COL22A1: variants seen among roughly 807,000 people sequenced by gnomAD.
COL22A1 encodes the protein collagen type XXII alpha 1 chain, also known as collagen alpha-1(XXII) chain.
In COL22A1, 221 loss-of-function variants were observed where a neutral mutation model predicts 248.9. The ratio of observed to expected loss-of-function variants is 0.89; its 90% CI spans 0.80 to 0.99. The LOEUF is 0.99. Among genes scored for constraint, COL22A1 ranks in the 50% least tolerant of loss-of-function variants. The pLI, the probability that COL22A1 is intolerant of heterozygous loss-of-function variation, is 0.00. For synonymous variants in COL22A1, 891 were observed against 793.4 expected, an observed-to-expected ratio of 1.12 and a Z score of -2.07; for missense variants, 2,240 against 2,179.0, an observed-to-expected ratio of 1.03 and a Z score of -0.56.
chr8:138,707,749 C>T (rs536989584), intron 30 of COL22A1, among the ~76,000 whole-genome samples: 1 of 152,322 alleles, frequency 6.6e-6, no homozygotes, highest in African/African-American at 2.4e-5. Flanking sequence ...CCTCTCTCAC[C>T]ACTCCTATTC....
In COL22A1 at chr8:138,645,219, T is replaced by A. The variant is rs114463065; in HGVS notation, c.3501+1410A>T. ...GAGACATGTGACGTACGAACAAACA[T>A]GTACAGCTACTGCACATGTACAGCC... On this transcript the variant is annotated intron_variant, in intron 47 of 64. Coordinates refer to ENST00000303045, the MANE Select transcript of COL22A1 (RefSeq NM_152888.3). Among the ~76,000 whole-genome samples the A allele has an allele frequency of 5.3e-3, 812 of 152,242 alleles. 9 individuals are homozygous for A. The highest frequency in any genetic ancestry group is 0.018 in the African/African-American group (737 of 41,552).
At chr8:138,604,896 T>C in intron 58 of COL22A1, 127 bp from the exon 59 acceptor site, 4 of 877,102 alleles carry the variant, frequency 4.6e-6, no homozygotes, top group Non-Finnish European at 7.4e-6. Context: ...ATGGTCTACC[T>C]GGCCAAGGAC....
At chr8:138,703,183 T>C in intron 31 of COL22A1, 123 bp downstream of exon 31, 2 of 835,280 alleles carry the variant, frequency 2.4e-6, no homozygotes, top group Non-Finnish European at 4.1e-6. Flanking sequence ...GGAATAGGCC[T>C]AGCTATTGGC....
chr8:138,780,883 C>T, intron 13 of COL22A1, 44 bp downstream of exon 13: 1 of 1,542,366 alleles, frequency 6.5e-7, no homozygotes, highest in Non-Finnish European at 9.0e-7. Flanking sequence ...AGATCACCAG[C>T]CTAGTACTGC....
chr8:138,775,803 C>T (rs1220833633), intron 16 of COL22A1, among the ~76,000 whole-genome samples, 163 bp downstream of exon 16: 1 of 152,212 alleles, frequency 6.6e-6, no homozygotes, highest in African/African-American at 2.4e-5. Context: ...TCGCCTGCCA[C>T]ATGCACACAT....
In COL22A1 at chr8:138,718,515, T is replaced by G. The variant is rs535204559; in HGVS notation, c.2356-1646A>C. Among the ~76,000 whole-genome samples the G allele has an allele frequency of 2.0e-5, 3 of 152,368 alleles. No individual in the cohort carries two copies. In the South Asian group the frequency reaches 6.2e-4, roughly 32 times the overall value. ...ACGGTATCTTCTTGAATTCTCGAAGTGAGCCTCAAAATGTCAATGCCTCTG... is the reference window on the plus strand; with the variant it reads ...ACGGTATCTTCTTGAATTCTCGAAGGGAGCCTCAAAATGTCAATGCCTCTG... On this transcript the variant is annotated intron_variant, in intron 27 of 64. Coordinates refer to ENST00000303045, the MANE Select transcript of COL22A1 (RefSeq NM_152888.3).
chr8:138,740,791 A>G (rs991715975), intron 22 of COL22A1, among the ~76,000 whole-genome samples: 3 of 152,202 alleles, frequency 2.0e-5, no homozygotes, highest in African/African-American at 4.8e-5. Flanking sequence ...TGGGTCATCC[A>G]TGAAGGGGCA....
At chr8:138,762,581 C>T (rs1468743530) in intron 16 of COL22A1, 115 bp from the exon 17 acceptor site, 43 of 724,820 alleles carry the variant, frequency 5.9e-5, no homozygotes, top group Admixed American at 9.5e-5. Flanking sequence ...AGGTGCCAAA[C>T]GCACGTGCAC....
intron 1 of COL22A1, among the ~76,000 whole-genome samples, chr8:138,903,021 A>G (rs1337480706): frequency 1.3e-5 from 2 of 152,196 alleles, no homozygotes; most frequent in African/African-American, 4.8e-5. Context: ...TAACACGTGA[A>G]TAAGAAAAAT....
intron 23 of COL22A1, among the ~76,000 whole-genome samples, chr8:138,732,313 C>T (rs538153223): frequency 1.3e-5 from 2 of 152,274 alleles, no homozygotes; most frequent in Admixed American, 6.5e-5. Flanking sequence ...ACAGGTGCTG[C>T]GGGCAAGTCA....
rs201532362 is a variant in COL22A1, at chr8:138,598,941, A to G, written c.4186-43T>C. 18 of 1,601,322 alleles carry G rather than the reference A, an allele frequency of 1.1e-5. No individual in the cohort carries two copies. The Admixed American group carries it at 2.4e-4, about 21-fold the overall frequency. ...ATGTCAGCATGTGTCTCAGGGCTGG[A>G]AGCTGTACCCCATGCAGCTGCAAAA... is the stretch of plus-strand genomic sequence containing the variant. On this transcript the variant is annotated intron_variant, in intron 60 of 64. Transcript: ENST00000303045.
intron 18 of COL22A1, among the ~76,000 whole-genome samples, chr8:138,756,588 G>C (rs1419329373): frequency 2.6e-5 from 4 of 152,048 alleles, no homozygotes; most frequent in Non-Finnish European, 4.4e-5. Flanking sequence ...CTTTTACCTA[G>C]AGCTTAGCTC....
intron 3 of COL22A1, among the ~76,000 whole-genome samples, chr8:138,869,072 G>A (rs1172689168): frequency 2.0e-5 from 3 of 152,146 alleles, no homozygotes; most frequent in Admixed American, 6.5e-5. Context: ...GGAAGAGAAA[G>A]GTTACATAAC....
At chr8:138,713,688 C>A (rs990208741) in intron 30 of COL22A1, among the ~76,000 whole-genome samples, 2 of 139,130 alleles carry the variant, frequency 1.4e-5, no homozygotes, top group Admixed American at 1.5e-4. Flanking sequence ...CACAACAAAA[C>A]CTCATCACAC....
chr8:138,742,038 A>T (rs1831618111), intron 22 of COL22A1, among the ~76,000 whole-genome samples: 6 of 109,460 alleles, frequency 5.5e-5, no homozygotes, highest in South Asian at 3.1e-4. Flanking sequence ...GTGATGGTGG[A>T]GTTGATGGTG....
At chr8:138,824,449 T>C (rs546003621) in intron 6 of COL22A1, among the ~76,000 whole-genome samples, 3 of 152,326 alleles carry the variant, frequency 2.0e-5, no homozygotes, top group African/African-American at 7.2e-5. Context: ...CACACTTGCC[T>C]GGATCACTAC....
At chr8:138,637,349 G>C (rs185528609) in intron 47 of COL22A1, among the ~76,000 whole-genome samples, 308 of 152,264 alleles carry the variant, frequency 2.0e-3, no homozygotes, top group African/African-American at 6.9e-3. Flanking sequence ...AGCACCAAAC[G>C]GGAAGCTTTG....
intron 44 of COL22A1, among the ~76,000 whole-genome samples, chr8:138,658,316 A>G (rs1053934050): frequency 6.6e-6 from 1 of 152,192 alleles, no homozygotes; most frequent in African/African-American, 2.4e-5. Context: ...CCTGCCTGGT[A>G]AGAGTGTCTT....
At chr8:138,757,310 GTGTGTGTA>G (rs1833094542) in intron 18 of COL22A1, among the ~76,000 whole-genome samples, 2 of 151,914 alleles carry the variant, frequency 1.3e-5, no homozygotes, top group Admixed American at 1.3e-4. Context: ...TATACTATGT[GTGTGTGTA>G]TGTGTGTGTG....
Sources: allele counts gnomAD v4.1 joint callset (sites outside exome capture counted in the v4.1 genomes callset), GRCh38; gene constraint gnomAD v4.1.1; transcripts MANE v1.5; gene names NCBI Gene and HGNC (gene_info 2026-07-23, HGNC 2026-07-21).